DRC8: variants seen among roughly 807,000 people sequenced by gnomAD.
DRC8 encodes dynein regulatory complex subunit 8, also known as dynein regulatory complex protein 8.
chr1:245,111,878 T>TA, the DRC8 span, among the ~76,000 whole-genome samples: 5 of 151,282 alleles, frequency 3.3e-5, no homozygotes, highest in South Asian at 2.1e-4. Flanking sequence ...TCTATACAAA[T>TA]AAAAAAAAAT....
the DRC8 span, among the ~76,000 whole-genome samples, chr1:245,102,055 T>C: frequency 6.6e-6 from 1 of 152,112 alleles, no homozygotes; most frequent in Non-Finnish European, 1.5e-5. Context: ...GTGTTAGAGA[T>C]TTACAGATCA....
At chr1:244,985,028 A>G in the DRC8 span, among the ~76,000 whole-genome samples, 1 of 150,142 alleles carries the variant, frequency 6.7e-6, no homozygotes, top group African/African-American at 2.5e-5. Context: ...TACCCTTAGG[A>G]TAGTCTGAAT....
chr1:245,047,123 A>G, the DRC8 span, among the ~76,000 whole-genome samples: 5 of 152,308 alleles, frequency 3.3e-5, no homozygotes, highest in Admixed American at 1.3e-4. Context: ...TCTTTTCCAC[A>G]CACACTTGAC....
chr1:244,987,834 G>C, the DRC8 span, among the ~76,000 whole-genome samples: 1 of 151,948 alleles, frequency 6.6e-6, no homozygotes, highest in Admixed American at 6.6e-5. Context: ...AATTTCTGTA[G>C]GTGGGATTTT....
chr1:245,020,348 C>T, the DRC8 span, among the ~76,000 whole-genome samples: 86 of 152,294 alleles, frequency 5.6e-4, no homozygotes, highest in African/African-American at 2.0e-3. Context: ...GCCCTTCCAC[C>T]TCTGAGGGGC....
At chr1:245,101,457 A>T in the DRC8 span, among the ~76,000 whole-genome samples, 1 of 152,220 alleles carries the variant, frequency 6.6e-6, no homozygotes, top group Non-Finnish European at 1.5e-5. Context: ...TCTATCAGGA[A>T]GTACATGATA....
the DRC8 span, among the ~76,000 whole-genome samples, chr1:244,978,524 C>G: frequency 5.0e-4 from 76 of 151,416 alleles, no homozygotes; most frequent in Non-Finnish European, 8.5e-4. Flanking sequence ...AGGTCTCACT[C>G]TGTCACCCTG....
chr1:245,076,531 T>C, the DRC8 span, among the ~76,000 whole-genome samples: 1,669 of 152,204 alleles, frequency 0.011, 33 homozygotes, highest in African/African-American at 0.037. Flanking sequence ...CAGAAAGAAG[T>C]CAAGTGGATT....
the DRC8 span, among the ~76,000 whole-genome samples, chr1:245,065,425 C>T: frequency 1.3e-5 from 2 of 152,116 alleles, no homozygotes; most frequent in South Asian, 4.1e-4. Context: ...TGAACTTTGT[C>T]TTCCAATATT....
the DRC8 span, among the ~76,000 whole-genome samples, chr1:245,040,387 G>A: frequency 6.6e-6 from 1 of 152,062 alleles, no homozygotes; most frequent in Admixed American, 6.5e-5. Flanking sequence ...AATCACACTC[G>A]CCATCAAGAT....
chr1:244,997,381 G>A, the DRC8 span, among the ~76,000 whole-genome samples: 144 of 152,008 alleles, frequency 9.5e-4, 3 homozygotes, highest in East Asian at 0.02. Context: ...GCCACTCTTC[G>A]GGGACCATCT....
chr1:245,106,085 A>AT, the DRC8 span, among the ~76,000 whole-genome samples: 1 of 152,194 alleles, frequency 6.6e-6, no homozygotes, highest in Non-Finnish European at 1.5e-5. Flanking sequence ...AGAAATATGC[A>AT]TTTTACTTTC....
At chr1:245,080,446 T>A in the DRC8 span, among the ~76,000 whole-genome samples, 1 of 152,306 alleles carries the variant, frequency 6.6e-6, no homozygotes, top group Non-Finnish European at 1.5e-5. Flanking sequence ...AGGTACTTAA[T>A]ACGTATTATG....
the DRC8 span, among the ~76,000 whole-genome samples, chr1:244,989,381 G>A: frequency 2.6e-5 from 4 of 152,208 alleles, no homozygotes; most frequent in Non-Finnish European, 4.4e-5. Context: ...GGCTGTGATC[G>A]TTTCTCAGGT....
At chr1:245,025,808 G>A in the DRC8 span, among the ~76,000 whole-genome samples, 8 of 152,184 alleles carry the variant, frequency 5.3e-5, no homozygotes, top group African/African-American at 1.9e-4. Context: ...TGCTGTTCTT[G>A]TGGTAGTGAA....
At chr1:245,036,941 G>A in the DRC8 span, among the ~76,000 whole-genome samples, 1 of 152,122 alleles carries the variant, frequency 6.6e-6, no homozygotes, top group Non-Finnish European at 1.5e-5. Context: ...ATATACTAAA[G>A]CCACTGGATT....
the DRC8 span, chr1:245,083,504 T>A: frequency 6.2e-7 from 1 of 1,609,376 alleles, no homozygotes; most frequent in Admixed American, 1.7e-5. Flanking sequence ...CTCCAGCTTA[T>A]ATGCATATAC....
the DRC8 span, among the ~76,000 whole-genome samples, chr1:245,054,841 G>A: frequency 6.6e-6 from 1 of 152,186 alleles, no homozygotes; most frequent in African/African-American, 2.4e-5. Context: ...AAGTTAGCTT[G>A]TTACTGTCTC....
the DRC8 span, among the ~76,000 whole-genome samples, chr1:245,085,740 A>G: frequency 6.6e-6 from 1 of 152,218 alleles, no homozygotes; most frequent in Non-Finnish European, 1.5e-5. Context: ...TGTTAGATGC[A>G]TAAGAAAGAG....
Sources: gnomAD v4.1 joint callset for allele counts (sites outside exome capture counted in the v4.1 genomes callset) on GRCh38, gnomAD v4.1.1 for gene constraint, MANE v1.5 for transcripts, NCBI Gene and HGNC (gene_info 2026-07-23, HGNC 2026-07-21) for gene names.